The following UBE2O variants were observed in gnomAD, a reference collection of about 807,000 sequenced individuals.
The protein encoded by UBE2O is (E3-independent) E2 ubiquitin-conjugating enzyme.
A neutral mutation model predicts 125.8 loss-of-function variants in UBE2O; 15 were observed. The observed-to-expected ratio is 0.12, with a 90% CI of 0.08 to 0.18. The LOEUF is 0.18. Among genes scored for constraint, UBE2O ranks in the 10% least tolerant of loss-of-function variants. The pLI, the probability that UBE2O is intolerant of heterozygous loss-of-function variation, is 1.00. For missense variants in UBE2O, 1,280 were observed against 1,723.6 expected (o/e 0.74, Z 4.56); for synonymous variants, 708 against 703.2 (o/e 1.01, Z -0.11).
In UBE2O at chr17:76,390,900, C is replaced by A. The variant is rs1452697215; in HGVS notation, c.*43G>T. 2 of 1,543,280 alleles carry A rather than the reference C, an allele frequency of 1.3e-6. No individual in the cohort carries two copies. ...CCGGGGGGGAGTGAGCAGGCGGCGG[C>A]TGGCCTCTCCCACGGTGATGCTCTT... is the stretch of plus-strand genomic sequence containing the variant. On this transcript the variant is annotated 3_prime_UTR_variant, in exon 18 of 18. Coordinates refer to ENST00000319380, the MANE Select transcript of UBE2O (RefSeq NM_022066.4).
In UBE2O at chr17:76,401,143, G is replaced by A. The variant is rs755044197; in HGVS notation, c.762C>T (p.Phe254=). 18 of 1,613,560 alleles carry A rather than the reference G, an allele frequency of 1.1e-5. No homozygotes were observed. The African/African-American group carries it at 1.6e-4, about 14-fold the overall frequency. ...CPHVSDSGLF[F]DDSYGFYPGQ... ...CTGGGTAGAAGCCATAGGAATCATCGAAGAAGAGACCCTGCGGGATGTGGG... is the reference window on the plus strand; with the variant it reads ...CTGGGTAGAAGCCATAGGAATCATCAAAGAAGAGACCCTGCGGGATGTGGG... Residue 254 remains phenylalanine (F), a synonymous_variant, in exon 6 of 18, where the codon TTC becomes TTT. Transcript: ENST00000319380.
intron 1 of UBE2O, among the ~76,000 whole-genome samples, chr17:76,447,500 T>C (rs2073169828): frequency 6.6e-6 from 1 of 152,210 alleles, no homozygotes; most frequent in Non-Finnish European, 1.5e-5. Flanking sequence ...ATCTTTGTAA[T>C]TTATAATCTC....
Position 76,395,615 on chromosome 17 carries a change from C to T in UBE2O, c.2946+110G>A. The T allele has an allele frequency of 7.2e-7, 1 of 1,382,616 alleles. No homozygotes were observed. Among genetic ancestry groups the T allele is most frequent in the Non-Finnish European group, 9.8e-7 (1 of 1,021,674 alleles). The allele number at this position is 1,382,616 out of a possible 1,614,324, so 85.6% of individuals were successfully genotyped here. A position where few individuals can be genotyped will look rare whatever the true frequency, so the allele number is the denominator to read the frequency against. ...TGTAAAAGGTGGGTGGGTGAGTGTC[C>T]TCGCAGGTGCCAGTCAGCCCCGGAG... On this transcript the variant is annotated intron_variant, in intron 15 of 17. Coordinates refer to ENST00000319380, the MANE Select transcript of UBE2O (RefSeq NM_022066.4). The surrounding 1 kb of genome is among the most constrained non-coding windows in gnomAD (Gnocchi z 5.0).
intron 1 of UBE2O, among the ~76,000 whole-genome samples, chr17:76,434,774 CT>C (rs751998179): frequency 0.018 from 2,559 of 138,920 alleles, 29 homozygotes; most frequent in African/African-American, 0.042. Flanking sequence ...TTCACTTAAG[CT>C]TTTTTTTTTT....
intron 3 of UBE2O, among the ~76,000 whole-genome samples, chr17:76,403,255 ATATTT>A (rs1267350970): frequency 6.6e-6 from 1 of 152,042 alleles, no homozygotes; most frequent in Non-Finnish European, 1.5e-5. Flanking sequence ...ATGAACTCAT[ATATTT>A]TATTTTACTT....
In UBE2O at chr17:76,452,989, G is replaced by C. The variant is rs2073283231; in HGVS notation, c.153C>G (p.Gly51=). Residue 51 remains glycine (G), a synonymous_variant, in exon 1 of 18, where the codon GGC becomes GGG. Transcript: ENST00000319380. The surrounding 1 kb of genome is among the most constrained non-coding windows in gnomAD (Gnocchi z 4.4). The part of the protein sequence containing the change: ...DSASGPSSDS[G]PEAGSQRLLF... ...GCAGGCGCTGCGAGCCGGCTTCTGGGCCGGAGTCCGAGGACGGCCCGGAGG... is the reference window on the plus strand; with the variant it reads ...GCAGGCGCTGCGAGCCGGCTTCTGGCCCGGAGTCCGAGGACGGCCCGGAGG... The C allele has an allele frequency of 6.7e-7, 1 of 1,491,994 alleles. No individual in the cohort carries two copies. The highest frequency in any genetic ancestry group is 1.5e-5 in the African/African-American group (1 of 68,508). The allele number at this position is 1,491,994 out of a possible 1,614,324, so 92.4% of individuals were successfully genotyped here.
In UBE2O at chr17:76,389,734, G is replaced by C. The variant is rs543922641; in HGVS notation, c.*1209C>G. 1 of 152,120 alleles carries C rather than the reference G, an allele frequency of 6.6e-6. No individual in the cohort carries two copies. The highest frequency in any genetic ancestry group is 1.9e-4 in the East Asian group (1 of 5,202). The allele number at this position is 152,120 out of a possible 1,614,324, so 9.4% of individuals were successfully genotyped here. ...CCTCCCGCAGCTCTGCTGGCTGGGC[G>C]GTCACAGCACAGCACAGGTGTGGAG... On this transcript the variant is annotated 3_prime_UTR_variant, in exon 18 of 18. Coordinates refer to ENST00000319380, the MANE Select transcript of UBE2O (RefSeq NM_022066.4).
In UBE2O at chr17:76,391,898, C is replaced by A. The variant is rs1234570978; in HGVS notation, c.3150+12G>T. On this transcript the variant is annotated intron_variant, in intron 16 of 17. Coordinates refer to ENST00000319380, the MANE Select transcript of UBE2O (RefSeq NM_022066.4). The surrounding 1 kb of genome is among the most constrained non-coding windows in gnomAD (Gnocchi z 8.4). ...TCCTCCTTCTTGGCTGGGGGCCTGG[C>A]CCTATACTCACCTTTCCAATCCAGG... 4 of 1,613,514 alleles carry A rather than the reference C, an allele frequency of 2.5e-6. No homozygotes were observed. In the East Asian group the frequency reaches 8.9e-5, roughly 36 times the overall value.
intron 1 of UBE2O, among the ~76,000 whole-genome samples, chr17:76,441,380 GA>G (rs1231964295): frequency 6.6e-6 from 1 of 152,226 alleles, no homozygotes; most frequent in African/African-American, 2.4e-5. Context: ...TGGGGAGGAA[GA>G]AAGAGGCAAG....
At chr17:76,419,801 C>T (rs575697496) in intron 1 of UBE2O, among the ~76,000 whole-genome samples, 8 of 152,320 alleles carry the variant, frequency 5.3e-5, no homozygotes, top group African/African-American at 1.2e-4. Flanking sequence ...CCTGAGAACC[C>T]GATGCTCAGA....
chr17:76,392,827 C>T (rs1371591471), intron 15 of UBE2O, among the ~76,000 whole-genome samples: 2 of 151,974 alleles, frequency 1.3e-5, no homozygotes, highest in Non-Finnish European at 2.9e-5. Flanking sequence ...GTGATGCATG[C>T]CTGCAGTCCC....
At chr17:76,431,793 A>C (rs2072912473) in intron 1 of UBE2O, among the ~76,000 whole-genome samples, 1 of 152,196 alleles carries the variant, frequency 6.6e-6, no homozygotes, top group African/African-American at 2.4e-5. Context: ...ATTAAGAATA[A>C]AAAATTTTAA....
Position 76,400,326 on chromosome 17 carries a change from G to A in UBE2O, c.1005-29C>T, listed in dbSNP as rs1186671654. ...GTTGGGGAAGAAGTGGGGGTGAGCT[G>A]GGCTGGACTCCTGGGAGGCCAGCAG... On this transcript the variant is annotated intron_variant, in intron 7 of 17. Coordinates refer to ENST00000319380, the MANE Select transcript of UBE2O (RefSeq NM_022066.4). The surrounding 1 kb of genome is among the most constrained non-coding windows in gnomAD (Gnocchi z 4.3). 5 of 1,610,042 alleles carry A rather than the reference G, an allele frequency of 3.1e-6. No homozygotes were observed. The East Asian group carries it at 1.1e-4, about 36-fold the overall frequency.
At position 76,400,576 on chromosome 17, in the gene UBE2O, A is replaced by C. The variant is rs945322081; in HGVS notation, c.895-26T>G. On this transcript the variant is annotated intron_variant, in intron 6 of 17. Coordinates refer to ENST00000319380, the MANE Select transcript of UBE2O (RefSeq NM_022066.4). The surrounding 1 kb of genome is among the most constrained non-coding windows in gnomAD (Gnocchi z 4.3). The stretch of plus-strand genomic sequence containing the variant: ...CTGGGGATGGCAGGTGGGACACGCC[A>C]GTCAGGGCAGGCTCTGACAGCACTC... 4.5e-6 allele frequency: 7 copies of C among 1,541,770 alleles called. No individual in the cohort carries two copies. The highest frequency in any genetic ancestry group is 1.7e-4 in the Middle Eastern group (1 of 5,884).
intron 1 of UBE2O, among the ~76,000 whole-genome samples, chr17:76,450,881 A>T (rs1286603016): frequency 6.6e-6 from 1 of 152,134 alleles, no homozygotes; most frequent in Non-Finnish European, 1.5e-5. Flanking sequence ...TCGGCCTCCC[A>T]AGTGCTGGGA....
Position 76,402,041 on chromosome 17 carries a change from C to T in UBE2O, c.750+23G>A. ...AGGACTGAGCAATCAGAGAAGGGTG[C>T]TGGCCTGGATGGAGCACACTACCGA... On this transcript the variant is annotated intron_variant, in intron 5 of 17. Coordinates refer to ENST00000319380, the MANE Select transcript of UBE2O (RefSeq NM_022066.4). The surrounding 1 kb of genome is among the most constrained non-coding windows in gnomAD (Gnocchi z 5.4). 2 of 1,612,240 alleles carry T rather than the reference C, an allele frequency of 1.2e-6. No homozygotes were observed. The highest frequency in any genetic ancestry group is 1.3e-5 in the African/African-American group (1 of 74,964).
chr17:76,421,292 T>C (rs1485338738), intron 1 of UBE2O, among the ~76,000 whole-genome samples: 1 of 152,136 alleles, frequency 6.6e-6, no homozygotes, highest in African/African-American at 2.4e-5. Context: ...TCACCATTCT[T>C]CCAGATACTG....
Position 76,390,875 on chromosome 17 carries a change from C to G in UBE2O, c.*68G>C. ...GAGGGGCATGGGAAGAGGGGTGATTCCGGGGGGGAGTGAGCAGGCGGCGGC... is the reference window on the plus strand; with the variant it reads ...GAGGGGCATGGGAAGAGGGGTGATTGCGGGGGGGAGTGAGCAGGCGGCGGC... On this transcript the variant is annotated 3_prime_UTR_variant, in exon 18 of 18. Transcript: ENST00000319380. 1 of 1,489,722 alleles carries G rather than the reference C, an allele frequency of 6.7e-7. No homozygotes were observed. The highest frequency in any genetic ancestry group is 1.3e-5 in the South Asian group (1 of 76,564). 92.3% of individuals were successfully genotyped at this position (1,489,722 alleles called of 1,614,324 possible). A position where few individuals can be genotyped will look rare whatever the true frequency, so the allele number is the denominator to read the frequency against.
rs978665846 is a variant in UBE2O at position 76,400,160 on chromosome 17, G to A, written c.1142C>T (p.Ser381Phe). The change falls in exon 8 of 18, where the codon TCT becomes TTT. Residue 381 changes from serine to phenylalanine, a missense_variant. Around this residue, in one of 10 missense-constraint regions of UBE2O, gnomAD observed 141 missense variants for 141.3 expected, o/e 1.00. Coordinates refer to ENST00000319380, the MANE Select transcript of UBE2O (RefSeq NM_022066.4). The surrounding 1 kb of genome is among the most constrained non-coding windows in gnomAD (Gnocchi z 4.3). ...CCAAGGACATACCTTCTTGGCCATA[G>A]AGCCCTCCCCCTGGGCGCAGTTTTT... ...PEKNCAQGEG[S>F]MAKKVKRLLK... is the part of the protein sequence containing the mutation. The A allele has an allele frequency of 3.1e-6, 5 of 1,613,876 alleles. No individual in the cohort carries two copies. Among genetic ancestry groups the A allele is most frequent in the Non-Finnish European group, 4.2e-6 (5 of 1,179,950 alleles).
Sources: allele counts gnomAD v4.1 joint callset (sites outside exome capture counted in the v4.1 genomes callset), GRCh38; gene constraint gnomAD v4.1.1; regional missense constraint gnomAD v4.1.1; non-coding constraint Gnocchi (gnomAD v3.1); transcripts MANE v1.5; gene names NCBI Gene and HGNC (gene_info 2026-07-23, HGNC 2026-07-21).